Variants in TASP1 observed in about 807,000 individuals in gnomAD.
TASP1 encodes taspase 1, also known as threonine aspartase 1.
TASP1 carries 16 observed loss-of-function variants against 56.6 expected under a neutral mutation model. The observed-to-expected ratio is 0.28, with a 90% CI of 0.19 to 0.43. The LOEUF (loss-of-function observed/expected upper bound fraction) is 0.43. TASP1 is among the 20% of genes least tolerant of loss of function. The probability of loss-of-function intolerance (pLI) is 1.00; values close to 1 mark genes in which losing one functional copy is unlikely to be tolerated. For missense variants in TASP1, 393 were observed against 511.6 expected (o/e 0.77, Z 2.24); for synonymous variants, 179 against 184.2 (o/e 0.97, Z 0.23).
chr20:13,573,281 C>T (rs540317009), intron 6 of TASP1, among the ~76,000 whole-genome samples: 1 of 152,162 alleles, frequency 6.6e-6, no homozygotes, highest in Non-Finnish European at 1.5e-5. Context: ...ATTGGGATTG[C>T]ATTAGGAGGT....
the TASP1 span, among the ~76,000 whole-genome samples, chr20:13,330,737 A>T: frequency 6.6e-6 from 1 of 152,202 alleles, no homozygotes. Context: ...GGGTGAGTTT[A>T]GATAGTTTGT....
the TASP1 span, among the ~76,000 whole-genome samples, chr20:13,178,066 C>A: frequency 6.6e-6 from 1 of 151,808 alleles, no homozygotes; most frequent in African/African-American, 2.4e-5. Flanking sequence ...ACAACAACAA[C>A]AAAAACAATG....
At chr20:13,252,639 C>A in the TASP1 span, among the ~76,000 whole-genome samples, 67 of 151,950 alleles carry the variant, frequency 4.4e-4, no homozygotes, top group Admixed American at 4.4e-3. Flanking sequence ...CCTGTAGTCC[C>A]AGATACTCAG....
At chr20:13,118,388 T>C in the TASP1 span, among the ~76,000 whole-genome samples, 16 of 142,446 alleles carry the variant, frequency 1.1e-4, no homozygotes, top group African/African-American at 4.1e-4. Context: ...CTGCTGGGAT[T>C]AGACTGTTAA....
intron 10 of TASP1, among the ~76,000 whole-genome samples, chr20:13,492,760 C>G (rs1600987350): frequency 6.6e-6 from 1 of 152,180 alleles, no homozygotes; most frequent in East Asian, 1.9e-4. Context: ...AAAAACAACT[C>G]AGGCTTTTCA....
the TASP1 span, among the ~76,000 whole-genome samples, chr20:13,275,182 C>A: frequency 1.3e-5 from 2 of 152,102 alleles, no homozygotes; most frequent in East Asian, 1.9e-4. Flanking sequence ...ATATTTATTT[C>A]TTTTCTCCCA....
intron 11 of TASP1, among the ~76,000 whole-genome samples, chr20:13,465,517 A>T (rs994636702): frequency 6.6e-6 from 1 of 152,080 alleles, no homozygotes. Flanking sequence ...TAGCACTCAC[A>T]GTAATTAATT....
At chr20:13,204,653 A>T in the TASP1 span, among the ~76,000 whole-genome samples, 1 of 151,774 alleles carries the variant, frequency 6.6e-6, no homozygotes, top group African/African-American at 2.4e-5. Context: ...AACTCTCATG[A>T]CTCAGCCTCC....
rs1369288876 is a variant in TASP1, at chr20:13,575,018, GA to G, written c.489-5433del. ...GGAACCCAAACCAAAGTTATTACAA[GA>G]AAACTATAAACCAGTATCACTCATA... is the stretch of plus-strand genomic sequence containing the variant. On this transcript the variant is annotated intron_variant, in intron 6 of 13. Coordinates refer to ENST00000337743, the MANE Select transcript of TASP1 (RefSeq NM_017714.3). 4.6e-5 allele frequency among the ~76,000 whole-genome samples: 7 copies of G among 152,046 alleles called. No individual in the cohort carries two copies. The East Asian group carries it at 1.2e-3, about 25-fold the overall frequency.
chr20:13,334,878 T>A, the TASP1 span, among the ~76,000 whole-genome samples: 1 of 152,216 alleles, frequency 6.6e-6, no homozygotes, highest in Non-Finnish European at 1.5e-5. Context: ...TTGTCATAAA[T>A]GTTTTCAACA....
the TASP1 span, chr20:13,126,526 G>T: frequency 6.3e-7 from 1 of 1,584,760 alleles, no homozygotes; most frequent in Non-Finnish European, 8.6e-7. Flanking sequence ...GGGACTAGAT[G>T]TAATTCCCAC....
At chr20:13,468,981 C>T (rs527834685) in intron 11 of TASP1, among the ~76,000 whole-genome samples, 4 of 152,054 alleles carry the variant, frequency 2.6e-5, no homozygotes, top group East Asian at 3.9e-4. Flanking sequence ...AGTTCAGCAG[C>T]TCCCAATGAT....
intron 13 of TASP1, among the ~76,000 whole-genome samples, chr20:13,413,520 G>A (rs909401363): frequency 6.6e-6 from 1 of 152,104 alleles, no homozygotes; most frequent in Non-Finnish European, 1.5e-5. Context: ...TATTTGTAAT[G>A]GGATGTGTTA....
the TASP1 span, among the ~76,000 whole-genome samples, chr20:13,208,762 T>C: frequency 2.6e-5 from 4 of 152,198 alleles, no homozygotes; most frequent in African/African-American, 7.2e-5. Context: ...TTGTCCCAGC[T>C]GAGATTATCC....
chr20:13,221,219 A>ACTCCTCCTACTC, the TASP1 span, among the ~76,000 whole-genome samples: 1 of 82,774 alleles, frequency 1.2e-5, no homozygotes, highest in Non-Finnish European at 2.6e-5. Flanking sequence ...AAGCCCTCCT[A>ACTCCTCCTACTC]CTCCTCCTCC....
At chr20:13,572,685 CAAAA>C (rs71188164) in intron 6 of TASP1, among the ~76,000 whole-genome samples, 2 of 84,068 alleles carry the variant, frequency 2.4e-5, no homozygotes, top group Admixed American at 1.5e-4. Context: ...GACTCCATCT[CAAAA>C]AAAAAAAAAA....
intron 12 of TASP1, among the ~76,000 whole-genome samples, chr20:13,419,613 TC>T (rs1393826985): frequency 6.6e-6 from 1 of 152,166 alleles, no homozygotes; most frequent in African/African-American, 2.4e-5. Flanking sequence ...CTAAACCCTG[TC>T]CCCCAGGCCA....
chr20:13,299,567 T>G, the TASP1 span: 1 of 992,046 alleles, frequency 1.0e-6, no homozygotes, highest in Admixed American at 2.2e-5. This position sits in a 1 kb window ranked among gnomAD's most constrained non-coding sequence, Gnocchi z 5.8. Flanking sequence ...TCGTGTATAT[T>G]TGTATATACC....
the TASP1 span, among the ~76,000 whole-genome samples, chr20:13,306,079 G>GA: frequency 0.34 from 52,065 of 151,768 alleles, 9,397 homozygotes; most frequent in East Asian, 0.48. Flanking sequence ...CCCTCAAAAT[G>GA]AAAAAAACCT....
Sources: gnomAD v4.1 joint callset for allele counts (sites outside exome capture counted in the v4.1 genomes callset) on GRCh38, gnomAD v4.1.1 for gene constraint, Gnocchi (gnomAD v3.1) non-coding constraint, MANE v1.5 for transcripts, NCBI Gene and HGNC (gene_info 2026-07-23, HGNC 2026-07-21) for gene names.